The following CADPS2 variants were observed in gnomAD, a reference collection of about 807,000 sequenced individuals.
CADPS2 encodes calcium dependent secretion activator 2.
CADPS2 carries 93 observed loss-of-function variants against 172.5 expected under a neutral mutation model. That is an observed-to-expected ratio of 0.54 (90% CI 0.46 to 0.64). CADPS2 has a LOEUF of 0.64. CADPS2 is among the 30% of genes least tolerant of loss of function. The pLI is 0.00. For missense variants in CADPS2, 1,420 were observed against 1,565.9 expected, an observed-to-expected ratio of 0.91 and a Z score of 1.57; for synonymous variants, 546 against 555.2, an observed-to-expected ratio of 0.98 and a Z score of 0.23.
intron 7 of CADPS2, among the ~76,000 whole-genome samples, chr7:122,557,501 T>C (rs1258837638): frequency 6.6e-6 from 1 of 152,146 alleles, no homozygotes; most frequent in Non-Finnish European, 1.5e-5. Flanking sequence ...CTGTCCCTGT[T>C]CCGTTACTGT....
intron 4 of CADPS2, among the ~76,000 whole-genome samples, chr7:122,626,788 A>G (rs1167349268): frequency 6.6e-6 from 1 of 152,242 alleles, no homozygotes; most frequent in African/African-American, 2.4e-5. Context: ...ATTTGTGGAT[A>G]GAAAAAATGA....
intron 2 of CADPS2, chr7:122,698,859 C>T (rs2085579021): frequency 1.9e-6 from 3 of 1,612,030 alleles, no homozygotes; most frequent in African/African-American, 1.3e-5. Flanking sequence ...GAACACTGAA[C>T]TTCATAAGCC....
chr7:122,524,946 G>C (rs12333764), intron 8 of CADPS2, among the ~76,000 whole-genome samples: 1,939 of 152,168 alleles, frequency 0.013, 44 homozygotes, highest in African/African-American at 0.044. Flanking sequence ...CAAGGGGCTT[G>C]AGACCAGCCT....
chr7:122,349,503 C>A (rs2038205640), intron 27 of CADPS2, among the ~76,000 whole-genome samples: 2 of 151,986 alleles, frequency 1.3e-5, no homozygotes, highest in Non-Finnish European at 2.9e-5. Flanking sequence ...TAATCTCATT[C>A]AGAAAATAAT....
chr7:122,580,855 A>C (rs956577729), intron 7 of CADPS2, among the ~76,000 whole-genome samples: 1 of 152,126 alleles, frequency 6.6e-6, no homozygotes, highest in African/African-American at 2.4e-5. Flanking sequence ...ATGTTACATG[A>C]GAATTACCCT....
chr7:122,777,256 G>C (rs2093912765), intron 1 of CADPS2, among the ~76,000 whole-genome samples: 1 of 152,160 alleles, frequency 6.6e-6, no homozygotes, highest in African/African-American at 2.4e-5. Flanking sequence ...GGCAGTCCAG[G>C]GAAGGGATGG....
At chr7:122,776,048 T>A (rs919685407) in intron 1 of CADPS2, among the ~76,000 whole-genome samples, 6 of 152,186 alleles carry the variant, frequency 3.9e-5, no homozygotes, top group Admixed American at 1.3e-4. Flanking sequence ...GAGGGTTTTT[T>A]AAATATTGTT....
chr7:122,718,181 G>A (rs1005269713), intron 2 of CADPS2, among the ~76,000 whole-genome samples: 1 of 151,644 alleles, frequency 6.6e-6, no homozygotes, highest in African/African-American at 2.4e-5. Context: ...TAAGCTAGAA[G>A]CTTTATATAT....
intron 9 of CADPS2, among the ~76,000 whole-genome samples, chr7:122,495,525 A>G (rs1380726993): frequency 6.6e-6 from 1 of 152,188 alleles, no homozygotes; most frequent in African/African-American, 2.4e-5. Context: ...AAATATTGTT[A>G]CTTGAATTGT....
At chr7:122,419,824 T>C (rs1255258828) in intron 17 of CADPS2, among the ~76,000 whole-genome samples, 2 of 151,192 alleles carry the variant, frequency 1.3e-5, no homozygotes, top group Admixed American at 6.6e-5. Flanking sequence ...TTATTTCTCC[T>C]ACATACTTCC....
At chr7:122,579,609 T>C (rs570062553) in intron 7 of CADPS2, among the ~76,000 whole-genome samples, 6 of 151,636 alleles carry the variant, frequency 4.0e-5, no homozygotes, top group South Asian at 2.1e-4. Flanking sequence ...CAGTGAGATA[T>C]AGTTACAATA....
chr7:122,812,351 TA>T (rs1800205888), intron 1 of CADPS2, among the ~76,000 whole-genome samples: 1 of 140,700 alleles, frequency 7.1e-6, no homozygotes, highest in Admixed American at 7.1e-5. Context: ...AAAACAAATA[TA>T]AAAAAATTTA....
chr7:122,858,883 A>T (rs1423092245), intron 1 of CADPS2, among the ~76,000 whole-genome samples: 1 of 152,206 alleles, frequency 6.6e-6, no homozygotes, highest in Non-Finnish European at 1.5e-5. Context: ...TTAATGAGAA[A>T]AAAAATAAGT....
At chr7:122,564,847 G>GCACA (rs113078322) in intron 7 of CADPS2, among the ~76,000 whole-genome samples, 32,857 of 145,264 alleles carry the variant, frequency 0.23, 3,799 homozygotes, top group East Asian at 0.4. Context: ...ACACACACAT[G>GCACA]CACACACACA....
At chr7:122,854,367 T>C (rs1814597124) in intron 1 of CADPS2, among the ~76,000 whole-genome samples, 1 of 151,856 alleles carries the variant, frequency 6.6e-6, no homozygotes, top group African/African-American at 2.4e-5. Context: ...TGAAGTCCTG[T>C]CTCAGAAAAA....
At chr7:122,545,719 G>A (rs929094697) in intron 8 of CADPS2, among the ~76,000 whole-genome samples, 1 of 152,122 alleles carries the variant, frequency 6.6e-6, no homozygotes, top group African/African-American at 2.4e-5. Context: ...CAGAGAGATA[G>A]AGATTAACTA....
At chr7:122,770,007 C>G (rs962044142) in intron 1 of CADPS2, among the ~76,000 whole-genome samples, 11 of 152,174 alleles carry the variant, frequency 7.2e-5, no homozygotes, top group African/African-American at 2.4e-4. Flanking sequence ...CACAACCACC[C>G]ATAAGATAGG....
intron 6 of CADPS2, among the ~76,000 whole-genome samples, chr7:122,608,289 A>T (rs2073858014): frequency 1.3e-5 from 2 of 152,130 alleles, no homozygotes; most frequent in African/African-American, 4.8e-5. Context: ...AGTCTATAAG[A>T]GTATCTGACT....
intron 3 of CADPS2, among the ~76,000 whole-genome samples, chr7:122,644,027 G>A (rs1025804957): frequency 5.9e-5 from 9 of 152,044 alleles, no homozygotes; most frequent in Non-Finnish European, 7.4e-5. Flanking sequence ...CCAAGATGGC[G>A]CCACTGCACT....
Sources: allele counts gnomAD v4.1 joint callset (sites outside exome capture counted in the v4.1 genomes callset), GRCh38; gene constraint gnomAD v4.1.1; transcripts MANE v1.5; gene names NCBI Gene and HGNC (gene_info 2026-07-23, HGNC 2026-07-21).